DIAPH2: variants seen among roughly 807,000 people sequenced by gnomAD.
The protein encoded by DIAPH2 is diaphanous related formin 2, also known as protein diaphanous homolog 2.
In DIAPH2, 35 loss-of-function variants were observed where a neutral mutation model predicts 92.7. The ratio of observed to expected loss-of-function variants is 0.38; its 90% CI spans 0.29 to 0.50. The LOEUF (loss-of-function observed/expected upper bound fraction) is 0.50, where lower values mean the gene tolerates loss of function less well. Among genes scored for constraint, DIAPH2 ranks in the 20% least tolerant of loss-of-function variants. DIAPH2 has a pLI of 0.94. For synonymous variants in DIAPH2, 301 were observed against 280.4 expected, an observed-to-expected ratio of 1.07 and a Z score of -0.73; for missense variants, 701 against 819.5, an observed-to-expected ratio of 0.86 and a Z score of 1.77.
At chrX:96,874,951 C>T (rs892825157) in intron 4 of DIAPH2, among the ~76,000 whole-genome samples, 1 of 111,649 alleles carries the variant, frequency 9.0e-6, no homozygotes, top group African/African-American at 3.2e-5. Flanking sequence ...ATCGAAAATG[C>T]TCCAAAATCC....
chrX:97,342,075 A>T (rs1365939113), intron 23 of DIAPH2, among the ~76,000 whole-genome samples: 1 of 112,570 alleles, frequency 8.9e-6, no homozygotes, highest in African/African-American at 3.2e-5. Flanking sequence ...TATTACATAT[A>T]TAGCTTTAAA....
intron 26 of DIAPH2, among the ~76,000 whole-genome samples, chrX:97,584,035 C>T (rs771555895): frequency 3.2e-4 from 36 of 112,563 alleles, no homozygotes; most frequent in Middle Eastern, 9.2e-3. Context: ...CTTTGGCTCG[C>T]GCACGGTGCG....
rs1000122021 is a variant in DIAPH2 at position 96,739,147 on chromosome X, A to C, written c.342+385A>C. 3.0e-4 allele frequency among the ~76,000 whole-genome samples: 33 copies of C among 111,529 alleles called. 1 individual carries two copies. The highest frequency in any genetic ancestry group is 4.0e-4 in the Non-Finnish European group (21 of 53,038). ...AGGTCTCTTGTTGGGTATATGAAAT[A>C]GACTTGGGAGGGTAGAGAGTAACAA... On this transcript the variant is annotated intron_variant, in intron 3 of 26. Transcript: ENST00000324765.
intron 26 of DIAPH2, among the ~76,000 whole-genome samples, chrX:97,585,472 C>CCA (rs2071473632): frequency 1.8e-5 from 2 of 109,900 alleles, no homozygotes; most frequent in Admixed American, 2.0e-4. Flanking sequence ...CAAATCATGC[C>CCA]ATGTGTTACC....
intron 17 of DIAPH2, among the ~76,000 whole-genome samples, chrX:97,016,739 G>A (rs899038155): frequency 8.9e-6 from 1 of 112,040 alleles, no homozygotes; most frequent in African/African-American, 3.2e-5. Context: ...CTGTTGTCAC[G>A]GCTTCTGTTG....
intron 23 of DIAPH2, among the ~76,000 whole-genome samples, chrX:97,252,261 A>C (rs1370768739): frequency 1.8e-5 from 2 of 111,603 alleles, no homozygotes; most frequent in African/African-American, 6.5e-5. Context: ...CTGCTGGTTA[A>C]ATCATTTCCC....
At chrX:96,754,952 A>T (rs967943522) in intron 3 of DIAPH2, among the ~76,000 whole-genome samples, 2 of 102,850 alleles carry the variant, frequency 1.9e-5, no homozygotes, top group Non-Finnish European at 3.9e-5. Flanking sequence ...AAAAAAAAAA[A>T]GGAAATAGAT....
intron 17 of DIAPH2, among the ~76,000 whole-genome samples, chrX:97,060,414 A>AT (rs555107048): frequency 0.019 from 2,052 of 105,300 alleles, 34 homozygotes; most frequent in African/African-American, 0.057. Flanking sequence ...AGGATTTCTG[A>AT]TTTTTTTTTT....
intron 21 of DIAPH2, among the ~76,000 whole-genome samples, chrX:97,116,739 A>C (rs1388400380): frequency 8.9e-6 from 1 of 112,386 alleles, no homozygotes; most frequent in Admixed American, 9.4e-5. Context: ...AATTTGAAGA[A>C]ATATGTACCT....
At chrX:97,152,359 A>G (rs2067291491) in intron 22 of DIAPH2, among the ~76,000 whole-genome samples, 1 of 112,168 alleles carries the variant, frequency 8.9e-6, no homozygotes, top group African/African-American at 3.2e-5. Flanking sequence ...CAAATATAAC[A>G]TTTCCTTGTG....
chrX:97,436,260 G>C (rs2070185567), intron 26 of DIAPH2, among the ~76,000 whole-genome samples: 1 of 111,593 alleles, frequency 9.0e-6, no homozygotes, highest in African/African-American at 3.3e-5. Flanking sequence ...CTCAGCAATA[G>C]GTGGATATCT....
At chrX:96,706,894 A>G (rs897540224) in intron 1 of DIAPH2, among the ~76,000 whole-genome samples, 1 of 112,156 alleles carries the variant, frequency 8.9e-6, no homozygotes, top group African/African-American at 3.2e-5. Flanking sequence ...TAAATAGCAT[A>G]TCCTCAACTT....
Position 97,602,655 on chromosome X carries a change from C to G in DIAPH2, c.*3338C>G, listed in dbSNP as rs2071602566. ...TTCTTTCTTGGACTATGGATTGGGC[C>G]TCTGCCTCTGTGCCTATGGGTTGCA... On this transcript the variant is annotated 3_prime_UTR_variant, in exon 27 of 27. Transcript: ENST00000324765. 1 of 112,034 alleles carries G rather than the reference C, an allele frequency of 8.9e-6. No homozygotes were observed. Among genetic ancestry groups the G allele is most frequent in the African/African-American group, 3.2e-5 (1 of 30,782 alleles). The allele number at this position is 112,034 out of a possible 1,213,427, so 9.2% of individuals were successfully genotyped here. A position where few individuals can be genotyped will look rare whatever the true frequency, so the allele number is the denominator to read the frequency against.
chrX:97,373,603 C>CT (rs769067046), intron 24 of DIAPH2, among the ~76,000 whole-genome samples: 21,650 of 71,479 alleles, frequency 0.3, 4,525 homozygotes, highest in Non-Finnish European at 0.43. Context: ...AAGGGAGATA[C>CT]TTTTTTTTTT....
At chrX:97,476,685 C>A (rs145923991) in intron 26 of DIAPH2, among the ~76,000 whole-genome samples, 1 of 108,745 alleles carries the variant, frequency 9.2e-6, no homozygotes, top group Non-Finnish European at 1.9e-5. Flanking sequence ...CATGGCCGGG[C>A]GCCGTGGCTC....
At chrX:97,361,596 G>C (rs999788975) in intron 24 of DIAPH2, among the ~76,000 whole-genome samples, 2 of 111,975 alleles carry the variant, frequency 1.8e-5, no homozygotes, top group African/African-American at 3.2e-5. Flanking sequence ...AAGTGTAGAG[G>C]TAAGGCAGTT....
intron 17 of DIAPH2, among the ~76,000 whole-genome samples, chrX:97,005,738 A>G (rs1327263282): frequency 9.1e-6 from 1 of 109,813 alleles, no homozygotes; most frequent in Non-Finnish European, 1.9e-5. Context: ...ATGGGGTTTC[A>G]CCGTGTTAGC....
chrX:97,269,225 T>G (rs980782003), intron 23 of DIAPH2, among the ~76,000 whole-genome samples: 1 of 111,613 alleles, frequency 9.0e-6, no homozygotes, highest in Non-Finnish European at 1.9e-5. Flanking sequence ...GGAGCCACAG[T>G]GTTGTGGTGA....
chrX:97,585,471 C>T (rs1683468343), intron 26 of DIAPH2, among the ~76,000 whole-genome samples: 1 of 109,870 alleles, frequency 9.1e-6, no homozygotes, highest in African/African-American at 3.3e-5. Flanking sequence ...ACAAATCATG[C>T]CATGTGTTAC....
Sources: allele counts gnomAD v4.1 joint callset (sites outside exome capture counted in the v4.1 genomes callset), GRCh38; gene constraint gnomAD v4.1.1; transcripts MANE v1.5; gene names NCBI Gene and HGNC (gene_info 2026-07-23, HGNC 2026-07-21).